FBXL13: variants seen among roughly 807,000 people sequenced by gnomAD.
FBXL13 encodes F-box and leucine rich repeat protein 13.
FBXL13 carries 67 observed loss-of-function variants against 83.6 expected under a neutral mutation model. The observed-to-expected ratio is 0.80, with a 90% CI of 0.66 to 0.98. The LOEUF (loss-of-function observed/expected upper bound fraction) is 0.98. FBXL13 is among the 50% of genes least tolerant of loss of function. The pLI is 0.00. For missense variants in FBXL13, 822 were observed against 866.5 expected (o/e 0.95, Z 0.64); for synonymous variants, 272 against 299.5 (o/e 0.91, Z 0.95).
At chr7:102,861,499 G>A (rs1806827750) in intron 16 of FBXL13, among the ~76,000 whole-genome samples, 1 of 152,068 alleles carries the variant, frequency 6.6e-6, no homozygotes, top group South Asian at 2.1e-4. Flanking sequence ...TGGTGATGCT[G>A]TTGGGCCACT....
chr7:103,012,524 A>C lies in FBXL13; in HGVS notation c.495+12539T>G, dbSNP rs1472779208. Among the ~76,000 whole-genome samples, 6 of 152,178 alleles carry C rather than the reference A, an allele frequency of 3.9e-5. No homozygotes were observed. In the East Asian group the frequency reaches 1.2e-3, roughly 29 times the overall value. ...ATATTCAGCATTCTTAAAAAACATA[A>C]TTTTCAACCAAGAACTTCATATGCA... is the stretch of plus-strand genomic sequence containing the variant. On this transcript the variant is annotated intron_variant, in intron 6 of 19. Transcript: ENST00000313221.
At chr7:102,856,146 T>A (rs1157578197) in intron 16 of FBXL13, among the ~76,000 whole-genome samples, 1 of 152,234 alleles carries the variant, frequency 6.6e-6, no homozygotes, top group Non-Finnish European at 1.5e-5. Flanking sequence ...TCTTTCAATT[T>A]GATTGTTGAC....
chr7:102,977,484 A>G (rs1827639038), intron 6 of FBXL13, among the ~76,000 whole-genome samples: 1 of 152,222 alleles, frequency 6.6e-6, no homozygotes, highest in East Asian at 1.9e-4. Flanking sequence ...CCAAACCTGG[A>G]AAGGATGGGA....
At chr7:103,070,773 C>G (rs1212855763) in intron 1 of FBXL13, among the ~76,000 whole-genome samples, 1 of 152,116 alleles carries the variant, frequency 6.6e-6, no homozygotes, top group Non-Finnish European at 1.5e-5. Flanking sequence ...GGAGGCTCTT[C>G]TAAACAACCA....
chr7:102,950,813 T>C (rs1007503320), intron 8 of FBXL13, among the ~76,000 whole-genome samples: 1 of 152,106 alleles, frequency 6.6e-6, no homozygotes, highest in African/African-American at 2.4e-5. Flanking sequence ...CAAAACTATA[T>C]AGACAATAAA....
chr7:102,855,270 A>G (rs1805865657), intron 16 of FBXL13, among the ~76,000 whole-genome samples: 1 of 152,192 alleles, frequency 6.6e-6, no homozygotes, highest in Non-Finnish European at 1.5e-5. Flanking sequence ...AAAACATCTA[A>G]AAATCTTTAG....
intron 17 of FBXL13, among the ~76,000 whole-genome samples, chr7:102,842,913 G>A (rs114175727): frequency 1.6e-3 from 247 of 152,308 alleles, no homozygotes; most frequent in African/African-American, 5.6e-3. Context: ...AAAGTCAAAT[G>A]AACAGCAATG....
intron 6 of FBXL13, among the ~76,000 whole-genome samples, chr7:103,013,095 C>T (rs941372331): frequency 6.6e-6 from 1 of 152,196 alleles, no homozygotes; most frequent in Non-Finnish European, 1.5e-5. Flanking sequence ...GAAGACCTAT[C>T]TATCATAAAT....
chr7:102,975,810 C>T, intron 6 of FBXL13: 5 of 608,582 alleles, frequency 8.2e-6, no homozygotes, highest in East Asian at 2.7e-5. Flanking sequence ...TTAATTTAGC[C>T]TTCAAAGTCT....
At chr7:103,011,936 G>T in intron 6 of FBXL13, among the ~76,000 whole-genome samples, 1 of 152,208 alleles carries the variant, frequency 6.6e-6, no homozygotes, top group Non-Finnish European at 1.5e-5. Context: ...CATATTTCAG[G>T]ATATCGTCCA....
intron 6 of FBXL13, among the ~76,000 whole-genome samples, chr7:103,001,582 T>C (rs1250977561): frequency 6.6e-6 from 1 of 152,210 alleles, no homozygotes; most frequent in Non-Finnish European, 1.5e-5. Context: ...TCACCCTCAA[T>C]GTGGGTCACA....
chr7:102,844,520 A>T (rs1269281710), intron 17 of FBXL13, among the ~76,000 whole-genome samples: 1 of 152,208 alleles, frequency 6.6e-6, no homozygotes, highest in Non-Finnish European at 1.5e-5. Flanking sequence ...CTGTCGTAAG[A>T]GTGGAGAGGT....
chr7:103,012,174 G>A (rs775177248), intron 6 of FBXL13, among the ~76,000 whole-genome samples: 11 of 152,088 alleles, frequency 7.2e-5, no homozygotes, highest in Admixed American at 1.3e-4. Flanking sequence ...TCAGGAGTTC[G>A]AGACTAGCCT....
intron 19 of FBXL13, among the ~76,000 whole-genome samples, chr7:102,820,629 G>T (rs1029393250): frequency 8.5e-5 from 13 of 152,152 alleles, no homozygotes; most frequent in African/African-American, 3.1e-4. Flanking sequence ...TGCCATAACA[G>T]ACTACTACAG....
chr7:103,034,299 G>A (rs921081842), intron 2 of FBXL13, among the ~76,000 whole-genome samples: 8 of 152,308 alleles, frequency 5.3e-5, no homozygotes, highest in East Asian at 3.9e-4. Flanking sequence ...GGGGGGCGGC[G>A]CTTGTAGGGG....
rs191228671 is a variant in FBXL13 at position 102,897,729 on chromosome 7, T to C, written c.1009-13417A>G. Among the ~76,000 whole-genome samples the C allele has an allele frequency of 1.2e-3, 188 of 152,358 alleles. 3 individuals are homozygous for C. The highest frequency in any genetic ancestry group is 6.9e-3 in the Admixed American group (105 of 15,310). On this transcript the variant is annotated intron_variant, in intron 11 of 19. Coordinates refer to ENST00000313221, the Ensembl canonical transcript of FBXL13. Reference sequence around the variant, plus strand: ...AGGAAACACAGTATTTTTAAACTTCTTAACTTCTTTTAGTGAGAATAGTCA... The same window carrying C: ...AGGAAACACAGTATTTTTAAACTTCCTAACTTCTTTTAGTGAGAATAGTCA...
chr7:102,977,595 T>C (rs1189728644), intron 6 of FBXL13, among the ~76,000 whole-genome samples: 3 of 152,204 alleles, frequency 2.0e-5, no homozygotes, highest in African/African-American at 7.2e-5. Flanking sequence ...TTTTCTCCCG[T>C]GTTATCCCAC....
At chr7:103,047,956 A>G (rs1796441182) in intron 2 of FBXL13, among the ~76,000 whole-genome samples, 2 of 152,238 alleles carry the variant, frequency 1.3e-5, no homozygotes, top group African/African-American at 4.8e-5. Context: ...TCGGTCTCCC[A>G]AAGTGTTGGG....
intron 8 of FBXL13, among the ~76,000 whole-genome samples, chr7:102,936,915 G>GT (rs11422557): frequency 0.19 from 29,288 of 151,688 alleles, 3,043 homozygotes; most frequent in East Asian, 0.42. Flanking sequence ...CTGCTTTTGT[G>GT]TTTTTTTCCT....
Sources: allele counts gnomAD v4.1 joint callset (sites outside exome capture counted in the v4.1 genomes callset), GRCh38; gene constraint gnomAD v4.1.1; transcripts MANE v1.5; gene names NCBI Gene and HGNC (gene_info 2026-07-23, HGNC 2026-07-21).